OXR1: variants seen among roughly 807,000 people sequenced by gnomAD.
OXR1 encodes the protein oxidation resistance protein 1.
Under a neutral mutation model 104.6 loss-of-function variants are expected in OXR1, and 41 were observed. The ratio of observed to expected loss-of-function variants is 0.39; its 90% CI spans 0.31 to 0.51. The LOEUF (loss-of-function observed/expected upper bound fraction) is 0.51, where lower values mean the gene tolerates loss of function less well. Ranked by LOEUF, OXR1 falls within the 20% of genes least tolerant of loss-of-function variation. The pLI is 0.77. For missense variants in OXR1, 955 were observed against 1,031.9 expected, an observed-to-expected ratio of 0.93 and a Z score of 1.02; for synonymous variants, 348 against 348.4, an observed-to-expected ratio of 1.00 and a Z score of 0.01.
intron 1 of OXR1, among the ~76,000 whole-genome samples, chr8:106,308,976 AT>A (rs11372941): frequency 9.0e-5 from 13 of 143,846 alleles, no homozygotes; most frequent in East Asian, 4.0e-4. Flanking sequence ...TTAAATTTTA[AT>A]TTTTTTTTTG....
intron 16 of OXR1, among the ~76,000 whole-genome samples, chr8:106,748,756 G>A (rs1835618662): frequency 6.6e-6 from 1 of 151,070 alleles, no homozygotes; most frequent in Non-Finnish European, 1.5e-5. Context: ...TTTTATTAGA[G>A]ACAGGGTTTC....
At chr8:106,595,712 T>G (rs576252626) in intron 3 of OXR1, among the ~76,000 whole-genome samples, 2 of 152,168 alleles carry the variant, frequency 1.3e-5, no homozygotes, top group Non-Finnish European at 2.9e-5. Flanking sequence ...CTTTCTTCCT[T>G]GCTTGTAAAT....
At chr8:106,514,493 G>A (rs376709475) in intron 2 of OXR1, among the ~76,000 whole-genome samples, 17 of 152,194 alleles carry the variant, frequency 1.1e-4, no homozygotes, top group African/African-American at 2.9e-4. Context: ...GATGCCCTTC[G>A]AGTCTTGGTT....
intron 8 of OXR1, among the ~76,000 whole-genome samples, chr8:106,705,440 A>C (rs567259055): frequency 1.3e-5 from 2 of 152,302 alleles, no homozygotes; most frequent in African/African-American, 2.4e-5. Flanking sequence ...AACAAGACAA[A>C]GAGTTACCCA....
At chr8:106,573,720 A>G (rs1817636889) in intron 3 of OXR1, among the ~76,000 whole-genome samples, 1 of 152,230 alleles carries the variant, frequency 6.6e-6, no homozygotes, top group South Asian at 2.1e-4. Context: ...AGATGTCTTT[A>G]TGCTTAAGAT....
intron 3 of OXR1, among the ~76,000 whole-genome samples, chr8:106,555,461 G>A (rs1816193722): frequency 6.6e-6 from 1 of 152,090 alleles, no homozygotes; most frequent in African/African-American, 2.4e-5. Context: ...GAAATTCTAG[G>A]TGTGGTCCAG....
chr8:106,525,451 T>C (rs1267008544), intron 3 of OXR1, among the ~76,000 whole-genome samples: 1 of 152,234 alleles, frequency 6.6e-6, no homozygotes, highest in East Asian at 1.9e-4. Context: ...TCACCATAAG[T>C]ATACAGCTAA....
chr8:106,339,513 AAAAAAAATATATATATATATAT>A lies in OXR1; in HGVS notation c.-138-19961_-138-19940del, dbSNP rs1385451608. 3.9e-4 allele frequency among the ~76,000 whole-genome samples: 15 copies of A among 38,172 alleles called. 1 individual carries two copies. Among genetic ancestry groups the A allele is most frequent in the African/African-American group, 2.5e-3 (15 of 5,916 alleles). 25.0% of individuals were successfully genotyped at this position (38,172 alleles called of 152,430 possible). ...CATCCAAAAAAAAAAAAAAAAAAAA[AAAAAAAATATATATATATATAT>A]ATATATATATATATATATATAAAAC... On this transcript the variant is annotated intron_variant, in intron 1 of 16. Coordinates refer to ENST00000517566, the MANE Select transcript of OXR1 (RefSeq NM_001198533.2).
rs539936869 is a variant in OXR1 at position 106,535,497 on chromosome 8, A to G, written c.220+16358A>G. Among the ~76,000 whole-genome samples the G allele has an allele frequency of 1.2e-4, 19 of 152,280 alleles. No individual in the cohort carries two copies. In the East Asian group the frequency reaches 3.3e-3, roughly 26 times the overall value. ...GGAATATAAGAAAAATAGCTCAGGG[A>G]TTTAGCCTCCTTTGAAATGTAAACA... On this transcript the variant is annotated intron_variant, in intron 3 of 16. Transcript: ENST00000517566.
Position 106,581,497 on chromosome 8 carries a change from G to GTT in OXR1, c.220+62367_220+62368dup, listed in dbSNP as rs201014920. ...GTTGTCAGTAATATTTTGATTCTGT[G>GTT]TTTTTTTTTTAAAAAAAACCTTTTA... On this transcript the variant is annotated intron_variant, in intron 3 of 16. Coordinates refer to ENST00000517566, the MANE Select transcript of OXR1 (RefSeq NM_001198533.2). 1.8e-3 allele frequency among the ~76,000 whole-genome samples: 259 copies of GTT among 147,612 alleles called. 2 individuals are homozygous for GTT. The highest frequency in any genetic ancestry group is 6.2e-3 in the African/African-American group (248 of 40,292).
At chr8:106,617,708 C>T (rs1405770878) in intron 3 of OXR1, among the ~76,000 whole-genome samples, 1 of 152,180 alleles carries the variant, frequency 6.6e-6, no homozygotes, top group Non-Finnish European at 1.5e-5. Context: ...CTGGTTCATA[C>T]TCAGCTTATC....
chr8:106,452,314 C>G (rs1432258447), intron 2 of OXR1, among the ~76,000 whole-genome samples: 1 of 152,112 alleles, frequency 6.6e-6, no homozygotes, highest in African/African-American at 2.4e-5. Context: ...ACAGCACTAT[C>G]TTTTAATTTA....
At chr8:106,311,632 C>T (rs1009348099) in intron 1 of OXR1, among the ~76,000 whole-genome samples, 11 of 152,082 alleles carry the variant, frequency 7.2e-5, no homozygotes, top group Admixed American at 3.9e-4. Flanking sequence ...CATCTGGTTG[C>T]TTAGGGTAGG....
chr8:106,339,297 C>A (rs1229112258), intron 1 of OXR1, among the ~76,000 whole-genome samples: 1 of 151,048 alleles, frequency 6.6e-6, no homozygotes, highest in Non-Finnish European at 1.5e-5. Context: ...AGATAGAGAC[C>A]ATCCTGGCTA....
At chr8:106,593,693 C>T (rs950412069) in intron 3 of OXR1, among the ~76,000 whole-genome samples, 1 of 152,170 alleles carries the variant, frequency 6.6e-6, no homozygotes, top group South Asian at 2.1e-4. Context: ...AGGAGAATGG[C>T]GTGAACCAGG....
chr8:106,726,226 AT>A, intron 11 of OXR1: 1 of 1,517,058 alleles, frequency 6.6e-7, no homozygotes, highest in Non-Finnish European at 8.8e-7. Flanking sequence ...ATGTAACTTA[AT>A]TTGCCCTGGA....
intron 1 of OXR1, among the ~76,000 whole-genome samples, chr8:106,297,448 A>G (rs181851799): frequency 6.6e-6 from 1 of 152,258 alleles, no homozygotes; most frequent in East Asian, 1.9e-4. Context: ...ACAAACCTAG[A>G]TGGTACAGCC....
At chr8:106,683,810 C>G (rs1465156235) in intron 5 of OXR1, among the ~76,000 whole-genome samples, 1 of 152,144 alleles carries the variant, frequency 6.6e-6, no homozygotes, top group Admixed American at 6.5e-5. Flanking sequence ...ATATATCATA[C>G]TTATTTAAAG....
chr8:106,597,244 A>C (rs2130733270), intron 3 of OXR1, among the ~76,000 whole-genome samples: 1 of 152,066 alleles, frequency 6.6e-6, no homozygotes, highest in East Asian at 1.9e-4. Flanking sequence ...TCATGGGGGC[A>C]GAGGCCTCAT....
Sources: allele counts gnomAD v4.1 joint callset (sites outside exome capture counted in the v4.1 genomes callset), GRCh38; gene constraint gnomAD v4.1.1; transcripts MANE v1.5; gene names NCBI Gene and HGNC (gene_info 2026-07-23, HGNC 2026-07-21).